FYB1: variants seen among roughly 807,000 people sequenced by gnomAD.
FYB1 encodes the protein FYN-binding protein 1.
Under a neutral mutation model 94.1 loss-of-function variants are expected in FYB1, and 41 were observed. The ratio of observed to expected loss-of-function variants is 0.44; its 90% CI spans 0.34 to 0.57. The LOEUF is 0.57. Ranked by LOEUF, FYB1 falls within the 20% of genes least tolerant of loss-of-function variation. The pLI is 0.02. For synonymous variants in FYB1, 367 were observed against 353.2 expected, an observed-to-expected ratio of 1.04 and a Z score of -0.44; for missense variants, 1,050 against 976.8, an observed-to-expected ratio of 1.07 and a Z score of -1.00.
intron 1 of FYB1, among the ~76,000 whole-genome samples, chr5:39,239,241 A>G (rs1751102301): frequency 6.6e-6 from 1 of 152,146 alleles, no homozygotes. Context: ...ATTCCTTTTG[A>G]GAACCAGAAC....
intron 9 of FYB1, among the ~76,000 whole-genome samples, chr5:39,131,123 C>G (rs1037405325): frequency 6.6e-6 from 1 of 152,132 alleles, no homozygotes; most frequent in Admixed American, 6.5e-5. Flanking sequence ...GGGCTTTTAT[C>G]TGGTATGACT....
intron 1 of FYB1, among the ~76,000 whole-genome samples, chr5:39,250,042 T>C (rs1751648756): frequency 6.6e-6 from 1 of 152,170 alleles, no homozygotes; most frequent in African/African-American, 2.4e-5. Context: ...CTTTGCACTC[T>C]CTCTCTCTTT....
At chr5:39,136,323 C>G (rs1741676691) in intron 7 of FYB1, among the ~76,000 whole-genome samples, 1 of 152,062 alleles carries the variant, frequency 6.6e-6, no homozygotes, top group Non-Finnish European at 1.5e-5. Context: ...CCCACCTCGG[C>G]CTCCCAAAGT....
At chr5:39,189,462 C>A (rs191194420) in intron 2 of FYB1, among the ~76,000 whole-genome samples, 62 of 152,266 alleles carry the variant, frequency 4.1e-4, no homozygotes, top group African/African-American at 1.5e-3. Context: ...CTGGCCATCT[C>A]TTCCCACTGA....
intron 2 of FYB1, among the ~76,000 whole-genome samples, chr5:39,181,338 G>A (rs1746206914): frequency 6.6e-6 from 1 of 152,148 alleles, no homozygotes; most frequent in Non-Finnish European, 1.5e-5. Context: ...GCTATTGAAT[G>A]TTTAAGATGT....
chr5:39,155,069 T>C (rs1743623370), intron 2 of FYB1, among the ~76,000 whole-genome samples: 1 of 152,174 alleles, frequency 6.6e-6, no homozygotes, highest in Non-Finnish European at 1.5e-5. Context: ...ACATTAAAAA[T>C]ATAACACAAC....
intron 12 of FYB1, among the ~76,000 whole-genome samples, chr5:39,125,787 A>G (rs1172268099): frequency 2.0e-5 from 3 of 152,188 alleles, no homozygotes; most frequent in Admixed American, 6.5e-5. Flanking sequence ...TTTGAACTAT[A>G]TGATGATTTC....
At chr5:39,140,304 A>T (rs2076776539) in intron 4 of FYB1, among the ~76,000 whole-genome samples, 1 of 152,230 alleles carries the variant, frequency 6.6e-6, no homozygotes, top group Non-Finnish European at 1.5e-5. Flanking sequence ...TACCACTCCC[A>T]ATACAAAAAA....
chr5:39,146,478 A>G (rs1443944055), intron 3 of FYB1, among the ~76,000 whole-genome samples: 1 of 152,226 alleles, frequency 6.6e-6, no homozygotes, highest in Non-Finnish European at 1.5e-5. Context: ...TATTAGAATA[A>G]TTCCTGTCAT....
intron 1 of FYB1, among the ~76,000 whole-genome samples, chr5:39,245,548 G>A (rs1248845903): frequency 6.6e-6 from 1 of 151,976 alleles, no homozygotes; most frequent in Non-Finnish European, 1.5e-5. Context: ...ATATCCAAGA[G>A]CAGAGGATTT....
At chr5:39,238,970 G>A (rs1035164692) in intron 1 of FYB1, among the ~76,000 whole-genome samples, 2 of 151,940 alleles carry the variant, frequency 1.3e-5, no homozygotes. Flanking sequence ...TGTGTAAGTG[G>A]ATCACTCTAA....
chr5:39,271,475 A>C (rs928211787), intron 1 of FYB1, among the ~76,000 whole-genome samples: 2 of 152,224 alleles, frequency 1.3e-5, no homozygotes, highest in Non-Finnish European at 1.5e-5. Flanking sequence ...GGCAGAGGAA[A>C]GGCATGATTC....
chr5:39,105,289 T>G lies in FYB1; in HGVS notation c.*2154A>C, dbSNP rs1455740649. 2 of 152,152 alleles carry G rather than the reference T, an allele frequency of 1.3e-5. No individual in the cohort carries two copies. The highest frequency in any genetic ancestry group is 3.8e-4 in the East Asian group (2 of 5,198). The allele number at this position is 152,152 out of a possible 1,614,324, so 9.4% of individuals were successfully genotyped here. ...GGTATTATTTATTTGCAGCTCATCT[T>G]AAGTGACAAAATTCCATACAGAAGA... On this transcript the variant is annotated 3_prime_UTR_variant, in exon 19 of 19. Coordinates refer to ENST00000512982, the MANE Select transcript of FYB1 (RefSeq NM_001465.6).
At chr5:39,261,276 CA>C (rs1489823280) in intron 1 of FYB1, among the ~76,000 whole-genome samples, 1 of 145,748 alleles carries the variant, frequency 6.9e-6, no homozygotes, top group Non-Finnish European at 1.5e-5. Flanking sequence ...GCACGTTCTG[CA>C]CATGTATCTC....
At chr5:39,175,024 C>T (rs767506172) in intron 2 of FYB1, among the ~76,000 whole-genome samples, 6 of 152,122 alleles carry the variant, frequency 3.9e-5, no homozygotes, top group Non-Finnish European at 8.8e-5. Context: ...TTTGCTTGCT[C>T]TTACCTGTGT....
At chr5:39,169,261 CA>C in intron 2 of FYB1, 1 of 1,126,408 alleles carries the variant, frequency 8.9e-7, no homozygotes, top group Non-Finnish European at 1.3e-6. Flanking sequence ...GTCAACAGAA[CA>C]ATCATGACCC....
intron 2 of FYB1, among the ~76,000 whole-genome samples, chr5:39,191,117 T>A (rs1338577090): frequency 6.6e-6 from 1 of 152,254 alleles, no homozygotes; most frequent in Non-Finnish European, 1.5e-5. Context: ...GGTATGGATG[T>A]CTGTCTGAGA....
chr5:39,127,468 A>G (rs1740795495), intron 11 of FYB1, among the ~76,000 whole-genome samples: 1 of 151,318 alleles, frequency 6.6e-6, no homozygotes, highest in South Asian at 2.1e-4. Context: ...AAAAAAAAAA[A>G]AAAAATACAC....
intron 1 of FYB1, among the ~76,000 whole-genome samples, chr5:39,245,484 T>C (rs947317991): frequency 6.6e-6 from 1 of 152,190 alleles, no homozygotes; most frequent in Admixed American, 6.5e-5. Flanking sequence ...TTGTTTCACA[T>C]GGTCCTGACA....
Sources: allele counts gnomAD v4.1 joint callset (sites outside exome capture counted in the v4.1 genomes callset), GRCh38; gene constraint gnomAD v4.1.1; transcripts MANE v1.5; gene names NCBI Gene and HGNC (gene_info 2026-07-23, HGNC 2026-07-21).